CEP250: variants seen among roughly 807,000 people sequenced by gnomAD.
The protein encoded by CEP250 is centrosomal protein 250.
CEP250 carries 242 observed loss-of-function variants against 315.7 expected under a neutral mutation model. The ratio of observed to expected loss-of-function variants is 0.77; its 90% CI spans 0.69 to 0.85. CEP250 has a LOEUF of 0.85. CEP250 is among the 40% of genes least tolerant of loss of function. The pLI is 0.00. For missense variants in CEP250, 2,515 were observed against 2,886.4 expected (o/e 0.87, Z 2.95); for synonymous variants, 1,088 against 1,175.0 (o/e 0.93, Z 1.51).
chr20:35,460,198 A>G (rs2062723032), intron 3 of CEP250, 93 bp downstream of exon 3: 1 of 152,192 alleles, frequency 6.6e-6, no homozygotes, highest in South Asian at 2.1e-4. Flanking sequence ...TAGGCTAGGA[A>G]GAGGCCTGGA....
rs544487033 is a variant in CEP250, at chr20:35,480,397, T to C, written c.2586+252T>C. On this transcript the variant is annotated intron_variant, in intron 20 of 34. Transcript: ENST00000397527. ...TGTACAGAGAATTGAGAGTGGACCC[T>C]GGGATTTAGGATTATTAAACTGGCC... 3.9e-5 allele frequency among the ~76,000 whole-genome samples: 6 copies of C among 152,232 alleles called. No individual in the cohort carries two copies. The East Asian group carries it at 1.2e-3, about 29-fold the overall frequency.
rs760471750 is a variant in CEP250 at position 35,466,030 on chromosome 20, C to G, written c.327-9C>G. 2 of 1,614,106 alleles carry G rather than the reference C, an allele frequency of 1.2e-6. No individual in the cohort carries two copies. Among genetic ancestry groups the G allele is most frequent in the Admixed American group, 3.3e-5 (2 of 60,020 alleles). ...ATTTTGCACCCACTTTTACCCCTCC[C>G]CAGTGCAGGTGTGAGAGTCTAGCAG... On this transcript the variant is annotated splice_polypyrimidine_tract_variant and intron_variant, in intron 6 of 34. Coordinates refer to ENST00000397527, the MANE Select transcript of CEP250 (RefSeq NM_007186.6).
Position 35,503,443 on chromosome 20 carries a change from T to C in CEP250, c.5074T>C (p.Leu1692=). Residue 1692 remains leucine, a synonymous_variant, in exon 30 of 35, where the codon TTG becomes CTG. Transcript: ENST00000397527. The surrounding 1 kb of genome is among the most constrained non-coding windows in gnomAD (Gnocchi z 4.2). ...GGACCTGGAACAGATCAAGCTGTCC[T>C]TGAGAGAGCGAGGCCGGGAGCTGAC... ...EEDLEQIKLS[L]RERGRELTTQ... 2 of 1,614,018 alleles carry C rather than the reference T, an allele frequency of 1.2e-6. No individual in the cohort carries two copies. Among genetic ancestry groups the C allele is most frequent in the Non-Finnish European group, 1.7e-6 (2 of 1,179,986 alleles).
In CEP250 at chr20:35,472,082, A is replaced by T; in HGVS notation, c.981A>T (p.Glu327Asp). The change falls in exon 11 of 35, where the codon GAA becomes GAT. Residue 327 changes from glutamate to aspartate, a missense_variant. Glu to Asp is a conservative substitution (Grantham distance 45). Transcript: ENST00000397527. ...ETNHTELMEH[E>D]ASLSRNAQEE... ...ATCACACAGAATTAATGGAACATGAAGCATCTCTTAGTAGGAATGCGCAAG... is the reference window on the plus strand; with the variant it reads ...ATCACACAGAATTAATGGAACATGATGCATCTCTTAGTAGGAATGCGCAAG... The T allele has an allele frequency of 4.3e-6, 7 of 1,612,548 alleles. No homozygotes were observed. The highest frequency in any genetic ancestry group is 5.9e-6 in the Non-Finnish European group (7 of 1,178,516).
rs2063274155 is a variant in CEP250 at position 35,479,392 on chromosome 20, G to A, written c.2256G>A (p.Arg752=). The change falls in exon 18 of 35, where the codon CGG becomes CGA. Residue 752 remains arginine (R), a synonymous_variant. Coordinates refer to ENST00000397527, the MANE Select transcript of CEP250 (RefSeq NM_007186.6). ...EVRLQAVERD[R]QDLAEQLQGL... is the part of the protein sequence containing the mutation. Reference sequence around the variant, plus strand: ...GGCTGCAGGCCGTGGAGCGTGACCGGCAGGACCTCGCTGAACAACTACAGG... The same window carrying A: ...GGCTGCAGGCCGTGGAGCGTGACCGACAGGACCTCGCTGAACAACTACAGG... The A allele has an allele frequency of 6.2e-7, 1 of 1,613,950 alleles. No homozygotes were observed. Among genetic ancestry groups the A allele is most frequent in the Non-Finnish European group, 8.5e-7 (1 of 1,179,988 alleles).
At position 35,511,443 on chromosome 20, in the gene CEP250, T is replaced by G; in HGVS notation, c.7146T>G (p.Arg2382=). The G allele has an allele frequency of 6.2e-7, 1 of 1,613,920 alleles. No homozygotes were observed. The highest frequency in any genetic ancestry group is 1.1e-5 in the South Asian group (1 of 91,080). ...TCACCCGCTCAGCACAGACCAGCCG[T>G]GAGCTAGCAGGCCTGCACCACAGCC... is the stretch of plus-strand genomic sequence containing the variant. The part of the protein sequence containing the change: ...DYITRSAQTS[R]ELAGLHHSLS... The change falls in exon 35 of 35, where the codon CGT becomes CGG. Residue 2382 remains arginine, a synonymous_variant. Coordinates refer to ENST00000397527, the MANE Select transcript of CEP250 (RefSeq NM_007186.6).
Position 35,478,071 on chromosome 20 carries a change from GA to G in CEP250, c.2066del (p.Lys689ArgfsTer8). Reference sequence around the variant, plus strand: ...CAGATCTCAGGGACATCCAAGAAGAGAAGGAAGAAATTCAAAAGAAACTAAG... The same window carrying G: ...CAGATCTCAGGGACATCCAAGAAGAGAGGAAGAAATTCAAAAGAAACTAAG... ...QADLRDIQEE[K>X]EEIQKKLSES... On this transcript the variant is annotated frameshift_variant, in exon 17 of 35. Transcript: ENST00000397527. LOFTEE classifies it high-confidence loss of function. The G allele has an allele frequency of 6.2e-7, 1 of 1,614,002 alleles. No homozygotes were observed. The highest frequency in any genetic ancestry group is 1.1e-5 in the South Asian group (1 of 91,032).
chr20:35,479,538 T>A, intron 18 of CEP250, 108 bp from the exon 19 acceptor site: 6 of 1,544,086 alleles, frequency 3.9e-6, no homozygotes, highest in Non-Finnish European at 5.2e-6. Context: ...GAATTTATAA[T>A]TGCCCCCCTA....
chr20:35,472,673 G>A lies in CEP250; in HGVS notation c.1051G>A (p.Val351Ile), dbSNP rs149721292. Residue 351 changes from valine to isoleucine, a missense_variant and splice_region_variant, in exon 12 of 35, where the codon GTC becomes ATC. Transcript: ENST00000397527. ...LQQVIKDITQVMVEEGDNIAQ... is the reference protein window; with the variant it reads ...LQQVIKDITQIMVEEGDNIAQ... ...GTGACCTTGCTGTATTGGGTTTCAGGTCATGGTGGAAGAAGGGGACAATAT... is the reference window on the plus strand; with the variant it reads ...GTGACCTTGCTGTATTGGGTTTCAGATCATGGTGGAAGAAGGGGACAATAT... 38 of 1,614,058 alleles carry A rather than the reference G, an allele frequency of 2.4e-5. No individual in the cohort carries two copies. In the African/African-American group the frequency reaches 4.9e-4, roughly 21 times the overall value.
intron 34 of CEP250, among the ~76,000 whole-genome samples, 170 bp downstream of exon 34, chr20:35,510,224 G>A (rs189509050): frequency 6.6e-6 from 1 of 152,274 alleles, no homozygotes; most frequent in African/African-American, 2.4e-5. Flanking sequence ...GTGGGAGTGG[G>A]GAAGAAAGCA....
chr20:35,456,392 G>A (rs1391117968), intron 1 of CEP250, among the ~76,000 whole-genome samples: 3 of 152,168 alleles, frequency 2.0e-5, no homozygotes, highest in East Asian at 3.8e-4. Flanking sequence ...TTTAATCAAC[G>A]TCTGTTGAAT....
chr20:35,511,322 C>G, intron 34 of CEP250, 41 bp from the exon 35 acceptor site: 1 of 1,542,366 alleles, frequency 6.5e-7, no homozygotes, highest in African/African-American at 1.4e-5. Context: ...CTTCAGGGCC[C>G]TCAGCTGCTC....
Position 35,474,049 on chromosome 20 carries a change from G to A in CEP250, c.1568G>A (p.Arg523His), listed in dbSNP as rs771268588. Residue 523 changes from arginine to histidine, a missense_variant, in exon 14 of 35, where the codon CGT becomes CAT. By Grantham distance (29) the Arg-to-His change is conservative. Transcript: ENST00000397527. The stretch of plus-strand genomic sequence containing the variant: ...CACCTGGCTGTCCGGGAGAGGGAGC[G>A]TCTGTAAGTGAGACTAGTCTCCTCC... ...ELHLAVRERE[R>H]LQEMLMGLEA... 15 of 1,545,728 alleles carry A rather than the reference G, an allele frequency of 9.7e-6. No individual in the cohort carries two copies. Among genetic ancestry groups the A allele is most frequent in the East Asian group, 4.8e-5 (2 of 42,028 alleles).
At position 35,490,844 on chromosome 20, in the gene CEP250, C is replaced by T. The variant is rs771334441; in HGVS notation, c.2754+40C>T. ...GGATTGGAGCTGCACGTCCAGTCAG[C>T]GATCTCCTTACCTTGACCACTTCCT... On this transcript the variant is annotated intron_variant, in intron 21 of 34. Transcript: ENST00000397527. 3.8e-5 allele frequency: 61 copies of T among 1,602,404 alleles called. 1 individual carries two copies. The highest frequency in any genetic ancestry group is 4.3e-4 in the Middle Eastern group (2 of 4,640).
In CEP250 at chr20:35,516,491, G is replaced by A. The variant is rs1274180503; in HGVS notation, c.*4865G>A. On this transcript the variant is annotated 3_prime_UTR_variant, in exon 35 of 35. Transcript: ENST00000397527. Reference sequence around the variant, plus strand: ...ATGTGGTTTGATGATTCATGCTGGAGCCTTTGGCTATAACTCTCTTCCCTG... The same window carrying A: ...ATGTGGTTTGATGATTCATGCTGGAACCTTTGGCTATAACTCTCTTCCCTG... The A allele has an allele frequency of 6.6e-6, 1 of 152,246 alleles. No individual in the cohort carries two copies. Among genetic ancestry groups the A allele is most frequent in the Non-Finnish European group, 1.5e-5 (1 of 68,060 alleles). 9.4% of individuals were successfully genotyped at this position (152,246 alleles called of 1,614,324 possible).
At chr20:35,476,697 T>C in intron 16 of CEP250, 102 bp downstream of exon 16, 2 of 1,012,332 alleles carry the variant, frequency 2.0e-6, no homozygotes, top group Non-Finnish European at 3.0e-6. Flanking sequence ...AAAAGGAACA[T>C]TTACAATGCA....
intron 33 of CEP250, 133 bp from the exon 34 acceptor site, chr20:35,509,865 C>A (rs2147225699): frequency 1.3e-6 from 1 of 790,486 alleles, no homozygotes; most frequent in Non-Finnish European, 2.2e-6. Context: ...GACGTCCAGT[C>A]TGAGTTCAGA....
intron 10 of CEP250, 51 bp from the exon 11 acceptor site, chr20:35,471,999 A>G (rs1271342928): frequency 8.9e-7 from 1 of 1,125,504 alleles, no homozygotes. Context: ...TGGAATAATA[A>G]ATTCACTTTT....
chr20:35,473,817 G>C, intron 13 of CEP250, 53 bp from the exon 14 acceptor site: 1 of 1,507,350 alleles, frequency 6.6e-7, no homozygotes, highest in Middle Eastern at 1.8e-4. Flanking sequence ...CCTGCTTCCA[G>C]AAAGAATTTT....
Sources: allele counts gnomAD v4.1 joint callset (sites outside exome capture counted in the v4.1 genomes callset), GRCh38; gene constraint gnomAD v4.1.1; non-coding constraint Gnocchi (gnomAD v3.1); transcripts MANE v1.5; gene names NCBI Gene and HGNC (gene_info 2026-07-23, HGNC 2026-07-21).